Variants in KCNIP4 observed in about 807,000 individuals in gnomAD.
KCNIP4 encodes Kv channel-interacting protein 4.
Under a neutral mutation model 34.0 loss-of-function variants are expected in KCNIP4, and 12 were observed. The observed-to-expected ratio is 0.35, with a 90% CI of 0.23 to 0.57. The LOEUF is 0.57. Ranked by LOEUF, KCNIP4 falls within the 20% of genes least tolerant of loss-of-function variation. The pLI is 0.83. For missense variants in KCNIP4, 238 were observed against 311.7 expected (o/e 0.76, Z 1.78); for synonymous variants, 124 against 102.2 (o/e 1.21, Z -1.29).
intron 1 of KCNIP4, among the ~76,000 whole-genome samples, chr4:21,770,139 A>G (rs60071903): frequency 0.15 from 22,566 of 151,546 alleles, 5,631 homozygotes; most frequent in African/African-American, 0.51. Flanking sequence ...CCCCCAACAG[A>G]CCCTGGTGTG....
At chr4:20,770,079 A>C (rs1755738933) in intron 3 of KCNIP4, among the ~76,000 whole-genome samples, 1 of 152,096 alleles carries the variant, frequency 6.6e-6, no homozygotes, top group Non-Finnish European at 1.5e-5. Flanking sequence ...CTGCATTTAG[A>C]TATCTATTAA....
intron 1 of KCNIP4, among the ~76,000 whole-genome samples, chr4:20,953,717 T>C (rs1274368268): frequency 6.6e-6 from 1 of 152,190 alleles, no homozygotes; most frequent in East Asian, 1.9e-4. Flanking sequence ...ATTTACTGAA[T>C]GAATGAATGA....
chr4:21,018,914 G>T (rs560933916), intron 1 of KCNIP4, among the ~76,000 whole-genome samples: 47 of 152,248 alleles, frequency 3.1e-4, no homozygotes, highest in Admixed American at 2.9e-3. Flanking sequence ...TTAAATTTCT[G>T]AATTACTTAG....
rs116019458 is a variant in KCNIP4, at chr4:21,721,611, T to C, written c.61+226960A>G. Among the ~76,000 whole-genome samples, 657 of 152,272 alleles carry C rather than the reference T, an allele frequency of 4.3e-3. 4 individuals carry two copies. The highest frequency in any genetic ancestry group is 0.015 in the African/African-American group (613 of 41,550). On this transcript the variant is annotated intron_variant, in intron 1 of 8. Transcript: ENST00000382152. ...TTCTGGGGGCAAGTATATATCAGAG[T>C]TGAAGTTCTTGATCAACTAACTAAA... is the stretch of plus-strand genomic sequence containing the variant.
At chr4:21,292,325 A>C (rs1763576468) in intron 1 of KCNIP4, among the ~76,000 whole-genome samples, 1 of 152,052 alleles carries the variant, frequency 6.6e-6, no homozygotes, top group Non-Finnish European at 1.5e-5. Context: ...CCATGGTGGT[A>C]CCTCCATCGT....
At chr4:21,668,774 T>A (rs1749230448) in intron 1 of KCNIP4, among the ~76,000 whole-genome samples, 1 of 152,152 alleles carries the variant, frequency 6.6e-6, no homozygotes, top group Admixed American at 6.6e-5. Context: ...TTTAGCAGAG[T>A]AATACAATTT....
At position 21,693,562 on chromosome 4, in the gene KCNIP4, C is replaced by CA. The variant is rs374445031; in HGVS notation, c.61+255008dup. 1.7e-4 allele frequency among the ~76,000 whole-genome samples: 25 copies of CA among 151,452 alleles called. No individual in the cohort carries two copies. In the South Asian group the frequency reaches 1.7e-3, roughly 10 times the overall value. ...TGGGTGATAGAGCAAGACTCCGTCT[C>CA]AAAAATAAATAAATAAATAAATAAG... On this transcript the variant is annotated intron_variant, in intron 1 of 8. Transcript: ENST00000382152.
intron 1 of KCNIP4, among the ~76,000 whole-genome samples, chr4:21,274,179 A>C (rs1314844122): frequency 6.6e-6 from 1 of 152,226 alleles, no homozygotes; most frequent in East Asian, 1.9e-4. Context: ...TCCTGTGAAC[A>C]ACAAACTAGG....
At chr4:21,559,283 C>A (rs1739324288) in intron 1 of KCNIP4, among the ~76,000 whole-genome samples, 1 of 152,062 alleles carries the variant, frequency 6.6e-6, no homozygotes, top group Admixed American at 6.6e-5. Flanking sequence ...ACTTGAGGTT[C>A]ATTTAATCCA....
chr4:20,837,289 G>C (rs1719156626), intron 3 of KCNIP4, among the ~76,000 whole-genome samples: 1 of 152,012 alleles, frequency 6.6e-6, no homozygotes, highest in Non-Finnish European at 1.5e-5. Context: ...AGATTTAAGA[G>C]GACTTAGAGT....
At chr4:21,324,110 T>A (rs1714785483) in intron 1 of KCNIP4, among the ~76,000 whole-genome samples, 1 of 152,068 alleles carries the variant, frequency 6.6e-6, no homozygotes, top group Non-Finnish European at 1.5e-5. Context: ...ATTTTTTTCC[T>A]ATGGAGTTGT....
At chr4:21,221,190 C>T (rs542741651) in intron 1 of KCNIP4, among the ~76,000 whole-genome samples, 5 of 152,244 alleles carry the variant, frequency 3.3e-5, no homozygotes, top group African/African-American at 1.2e-4. Flanking sequence ...ATGAAAACTC[C>T]TCCAGTTTTT....
At chr4:21,140,860 A>G (rs1751898746) in intron 1 of KCNIP4, among the ~76,000 whole-genome samples, 1 of 152,094 alleles carries the variant, frequency 6.6e-6, no homozygotes, top group South Asian at 2.1e-4. Context: ...TCTCAGTCTC[A>G]GTTTCTTCAT....
At chr4:21,715,389 C>G (rs1465046328) in intron 1 of KCNIP4, among the ~76,000 whole-genome samples, 2 of 152,060 alleles carry the variant, frequency 1.3e-5, no homozygotes, top group African/African-American at 4.8e-5. Flanking sequence ...CTTGGCCTCC[C>G]AAAGTGCTAG....
At chr4:21,676,745 T>G (rs1244014409) in intron 1 of KCNIP4, among the ~76,000 whole-genome samples, 1 of 152,156 alleles carries the variant, frequency 6.6e-6, no homozygotes, top group African/African-American at 2.4e-5. Context: ...TAGCTTGTAT[T>G]TACAAAGATG....
At chr4:21,483,739 G>A (rs1434290973) in intron 1 of KCNIP4, among the ~76,000 whole-genome samples, 9 of 151,958 alleles carry the variant, frequency 5.9e-5, no homozygotes, top group Middle Eastern at 3.4e-3. Context: ...GCAGTGAGCC[G>A]AGATCATGCC....
intron 3 of KCNIP4, among the ~76,000 whole-genome samples, chr4:20,819,016 C>T (rs1371963393): frequency 6.9e-6 from 1 of 145,846 alleles, no homozygotes; most frequent in African/African-American, 2.6e-5. Context: ...TTCTGAGTAG[C>T]TGGGGTTACA....
At chr4:21,605,399 A>C (rs1743562826) in intron 1 of KCNIP4, among the ~76,000 whole-genome samples, 1 of 152,212 alleles carries the variant, frequency 6.6e-6, no homozygotes, top group Admixed American at 6.5e-5. Context: ...TGGATGCTTC[A>C]TTCTTGTGCC....
At chr4:21,761,674 A>T (rs561178794) in intron 1 of KCNIP4, among the ~76,000 whole-genome samples, 1 of 152,138 alleles carries the variant, frequency 6.6e-6, no homozygotes, top group Admixed American at 6.6e-5. Flanking sequence ...CCACAATATT[A>T]AAAGTGTTTC....
Sources: allele counts gnomAD v4.1 joint callset (sites outside exome capture counted in the v4.1 genomes callset), GRCh38; gene constraint gnomAD v4.1.1; transcripts MANE v1.5; gene names NCBI Gene and HGNC (gene_info 2026-07-23, HGNC 2026-07-21).